The following KCNMB2 variants were observed in gnomAD, a reference collection of about 807,000 sequenced individuals.
KCNMB2 encodes the protein potassium calcium-activated channel subfamily M regulatory beta subunit 2.
In KCNMB2, 9 loss-of-function variants were observed where a neutral mutation model predicts 24.5. That is an observed-to-expected ratio of 0.37 (90% CI 0.22 to 0.64). The LOEUF is 0.64. Among genes scored for constraint, KCNMB2 ranks in the 30% least tolerant of loss-of-function variants. The pLI is 0.63. For missense variants in KCNMB2, 226 were observed against 284.3 expected (o/e 0.79, Z 1.47); for synonymous variants, 109 against 104.4 (o/e 1.04, Z -0.27).
intron 1 of KCNMB2, among the ~76,000 whole-genome samples, chr3:178,550,539 C>G (rs937305994): frequency 2.0e-5 from 3 of 147,924 alleles, no homozygotes; most frequent in East Asian, 2.1e-4. Context: ...ATACATTATT[C>G]AAGAGGTAGG....
intron 1 of KCNMB2, among the ~76,000 whole-genome samples, chr3:178,778,797 C>A (rs1712704343): frequency 6.6e-6 from 1 of 152,154 alleles, no homozygotes. Flanking sequence ...CGTTTCCTTA[C>A]CACCACCTGC....
chr3:178,693,493 T>C (rs758165196), intron 1 of KCNMB2, among the ~76,000 whole-genome samples: 13 of 152,240 alleles, frequency 8.5e-5, no homozygotes, highest in African/African-American at 3.1e-4. Context: ...ATTTTCTACA[T>C]ATATTGAGAT....
At chr3:178,549,131 C>T (rs73050375) in intron 1 of KCNMB2, among the ~76,000 whole-genome samples, 5,415 of 152,104 alleles carry the variant, frequency 0.036, 322 homozygotes, top group African/African-American at 0.12. Context: ...GTATACTATG[C>T]TTTACATCCA....
At chr3:178,722,900 A>C (rs1273149703) in intron 1 of KCNMB2, among the ~76,000 whole-genome samples, 1 of 152,096 alleles carries the variant, frequency 6.6e-6, no homozygotes, top group Non-Finnish European at 1.5e-5. Flanking sequence ...CTTAAAGAAA[A>C]AAAGTTCCCA....
intron 1 of KCNMB2, among the ~76,000 whole-genome samples, chr3:178,589,315 AC>A (rs1233534299): frequency 6.6e-6 from 1 of 152,180 alleles, no homozygotes; most frequent in Non-Finnish European, 1.5e-5. Flanking sequence ...GCCTGAGCTC[AC>A]GTGCAAATAC....
chr3:178,731,725 GAAAC>G (rs1723156283), intron 1 of KCNMB2, among the ~76,000 whole-genome samples: 4 of 152,118 alleles, frequency 2.6e-5, no homozygotes, highest in African/African-American at 9.7e-5. Context: ...CCAACATGGT[GAAAC>G]CTTATCTCTA....
At chr3:178,781,143 T>C (rs768981149) in intron 1 of KCNMB2, among the ~76,000 whole-genome samples, 3 of 152,080 alleles carry the variant, frequency 2.0e-5, no homozygotes, top group Admixed American at 2.0e-4. Flanking sequence ...ATTATTAGAA[T>C]TAATTTTTCC....
intron 1 of KCNMB2, among the ~76,000 whole-genome samples, chr3:178,563,740 C>A (rs1716407661): frequency 6.6e-6 from 1 of 152,030 alleles, no homozygotes; most frequent in Non-Finnish European, 1.5e-5. Context: ...AAAGGAAATA[C>A]CAGAGCGTCC....
At chr3:178,709,030 AAAG>A (rs1451515488) in intron 1 of KCNMB2, among the ~76,000 whole-genome samples, 4 of 152,198 alleles carry the variant, frequency 2.6e-5, no homozygotes, top group Non-Finnish European at 5.9e-5. Flanking sequence ...CTTATAGGTT[AAAG>A]GAGGAAAAAA....
At chr3:178,790,636 T>C (rs1713285242) in intron 1 of KCNMB2, among the ~76,000 whole-genome samples, 1 of 152,228 alleles carries the variant, frequency 6.6e-6, no homozygotes, top group Non-Finnish European at 1.5e-5. Context: ...CAGTGGTCAC[T>C]GTGCACCTTG....
rs745335149 is a variant in KCNMB2 at position 178,807,402 on chromosome 3, T to C, written c.-8T>C. 9.3e-6 allele frequency: 15 copies of C among 1,612,960 alleles called. No individual in the cohort carries two copies. Among genetic ancestry groups the C allele is most frequent in the Non-Finnish European group, 1.3e-5 (15 of 1,179,276 alleles). ...AGGAAAGGAGACCCTGGACCAACAT[T>C]CTCTAAGATGTTTATATGGACCAGT... is the stretch of plus-strand genomic sequence containing the variant. On this transcript the variant is annotated 5_prime_UTR_variant, in exon 2 of 5. Transcript: ENST00000452583.
intron 1 of KCNMB2, among the ~76,000 whole-genome samples, chr3:178,586,892 T>C (rs563030944): frequency 5.0e-4 from 76 of 152,288 alleles, no homozygotes; most frequent in African/African-American, 1.8e-3. Context: ...GATGTCAAGA[T>C]TATAAAACTA....
chr3:178,715,514 T>G (rs940627589), intron 1 of KCNMB2, among the ~76,000 whole-genome samples: 1 of 152,122 alleles, frequency 6.6e-6, no homozygotes, highest in African/African-American at 2.4e-5. Context: ...TCCCTGTGTC[T>G]TTGAGTTAAG....
intron 1 of KCNMB2, among the ~76,000 whole-genome samples, chr3:178,561,232 G>GA (rs1716304610): frequency 6.6e-6 from 1 of 152,176 alleles, no homozygotes; most frequent in African/African-American, 2.4e-5. Flanking sequence ...ATGAATAATA[G>GA]ATTTCAATCT....
chr3:178,664,099 C>T (rs552157593), intron 1 of KCNMB2, among the ~76,000 whole-genome samples: 1 of 152,206 alleles, frequency 6.6e-6, no homozygotes, highest in East Asian at 1.9e-4. Context: ...AGCACTTTTA[C>T]CTCCTGATGG....
At chr3:178,818,510 T>G (rs1278132499) in intron 2 of KCNMB2, among the ~76,000 whole-genome samples, 1 of 152,146 alleles carries the variant, frequency 6.6e-6, no homozygotes, top group Admixed American at 6.5e-5. Context: ...CACTTATAAG[T>G]GAGAACATGC....
chr3:178,554,147 C>T (rs1038527290), intron 1 of KCNMB2, among the ~76,000 whole-genome samples: 2 of 151,858 alleles, frequency 1.3e-5, no homozygotes, highest in South Asian at 2.1e-4. Context: ...ACAGAAAAGA[C>T]CTTCAACTTC....
chr3:178,587,838 T>C (rs1206808883), intron 1 of KCNMB2, among the ~76,000 whole-genome samples: 1 of 151,428 alleles, frequency 6.6e-6, no homozygotes, highest in Non-Finnish European at 1.5e-5. Context: ...GCTGCACCCA[T>C]TAACTCATCA....
intron 2 of KCNMB2, among the ~76,000 whole-genome samples, chr3:178,822,304 A>C (rs1028118476): frequency 3.1e-4 from 47 of 152,190 alleles, no homozygotes; most frequent in African/African-American, 1.1e-3. Context: ...ATTTTGTTTA[A>C]GGTGTTTCTC....
Sources: gnomAD v4.1 joint callset for allele counts (sites outside exome capture counted in the v4.1 genomes callset) on GRCh38, gnomAD v4.1.1 for gene constraint, MANE v1.5 for transcripts, NCBI Gene and HGNC (gene_info 2026-07-23, HGNC 2026-07-21) for gene names.